UCK2: variants seen among roughly 807,000 people sequenced by gnomAD.
UCK2 encodes the protein cytidine monophosphokinase 2.
Under a neutral mutation model 30.8 loss-of-function variants are expected in UCK2, and 6 were observed. The ratio of observed to expected loss-of-function variants is 0.19; its 90% CI spans 0.11 to 0.38. The LOEUF is 0.38. Among genes scored for constraint, UCK2 ranks in the 10% least tolerant of loss-of-function variants. UCK2 has a pLI of 1.00. For synonymous variants in UCK2, 125 were observed against 133.6 expected, an observed-to-expected ratio of 0.94 and a Z score of 0.45; for missense variants, 210 against 339.8, an observed-to-expected ratio of 0.62 and a Z score of 3.00.
intron 1 of UCK2, among the ~76,000 whole-genome samples, chr1:165,884,311 T>A (rs1459036495): frequency 6.6e-6 from 1 of 152,232 alleles, no homozygotes; most frequent in Non-Finnish European, 1.5e-5. Flanking sequence ...TTGGCTGTGG[T>A]TGCTAAGTTT....
At chr1:165,851,109 G>A (rs1654585893) in intron 1 of UCK2, among the ~76,000 whole-genome samples, 1 of 151,994 alleles carries the variant, frequency 6.6e-6, no homozygotes, top group Admixed American at 6.6e-5. Context: ...GGTGAATCTT[G>A]GGAAGGCAGA....
chr1:165,844,577 G>T (rs1654403206), intron 1 of UCK2, among the ~76,000 whole-genome samples: 1 of 152,160 alleles, frequency 6.6e-6, no homozygotes, highest in South Asian at 2.1e-4. Flanking sequence ...TAACTGTGGT[G>T]GGCTCCTGGA....
Position 165,856,894 on chromosome 1 carries a change from C to T in UCK2, c.99+28962C>T, listed in dbSNP as rs1403440716. 6.2e-5 allele frequency among the ~76,000 whole-genome samples: 8 copies of T among 129,410 alleles called. No homozygotes were observed. The South Asian group carries it at 9.8e-4, about 16-fold the overall frequency. The allele number at this position is 129,410 out of a possible 152,430, so 84.9% of individuals were successfully genotyped here. On this transcript the variant is annotated intron_variant, in intron 1 of 6. Transcript: ENST00000367879. ...TGTTAAATATGGCCCTCATAGGCGGCCCCAGGGTTTTTTTTTTTTTTTTTT... is the reference window on the plus strand; with the variant it reads ...TGTTAAATATGGCCCTCATAGGCGGTCCCAGGGTTTTTTTTTTTTTTTTTT...
rs945952853 is a variant in UCK2 at position 165,909,159 on chromosome 1, G to A, written c.*1336G>A. ...GTGGAGATTTCTAGCTTTCCTGAGA[G>A]CTGCTGCTTGGTGGTAGTGTTTTCT... On this transcript the variant is annotated 3_prime_UTR_variant, in exon 7 of 7. Coordinates refer to ENST00000367879, the MANE Select transcript of UCK2 (RefSeq NM_012474.5). The A allele has an allele frequency of 2.6e-5, 4 of 152,180 alleles. No homozygotes were observed. The highest frequency in any genetic ancestry group is 9.7e-5 in the African/African-American group (4 of 41,430). The allele number at this position is 152,180 out of a possible 1,614,324, so 9.4% of individuals were successfully genotyped here. A position where few individuals can be genotyped will look rare whatever the true frequency, so the allele number is the denominator to read the frequency against.
In UCK2 at chr1:165,910,874, T is replaced by G. The variant is rs526374; in HGVS notation, c.*3051T>G. On this transcript the variant is annotated 3_prime_UTR_variant, in exon 7 of 7. Coordinates refer to ENST00000367879, the MANE Select transcript of UCK2 (RefSeq NM_012474.5). Reference sequence around the variant, plus strand: ...TCACTTGGGCTTGGAGCTGGATACTTGTGGCCACGCCCAGGATAGGTTGCC... The same window carrying G: ...TCACTTGGGCTTGGAGCTGGATACTGGTGGCCACGCCCAGGATAGGTTGCC... 6.6e-6 allele frequency: 1 copy of G among 152,266 alleles called. No homozygotes were observed. Among genetic ancestry groups the G allele is most frequent in the East Asian group, 1.9e-4 (1 of 5,180 alleles). 9.4% of individuals were successfully genotyped at this position (152,266 alleles called of 1,614,324 possible).
chr1:165,829,042 C>G (rs1045873763), intron 1 of UCK2, among the ~76,000 whole-genome samples: 1 of 152,074 alleles, frequency 6.6e-6, no homozygotes, highest in South Asian at 2.1e-4. Flanking sequence ...TTTTAGCTCC[C>G]GAACCGACTC....
intron 1 of UCK2, among the ~76,000 whole-genome samples, chr1:165,830,912 A>G (rs1654031602): frequency 6.6e-6 from 1 of 151,994 alleles, no homozygotes; most frequent in Non-Finnish European, 1.5e-5. Flanking sequence ...ATTTTGACCT[A>G]TGTTTAAAAC....
intron 2 of UCK2, 169 bp from the exon 3 acceptor site, chr1:165,891,057 A>G: frequency 3.3e-6 from 2 of 605,496 alleles, no homozygotes; most frequent in Admixed American, 2.9e-5. Flanking sequence ...TTTGAGATAC[A>G]GGGAGCATCC....
intron 1 of UCK2, among the ~76,000 whole-genome samples, chr1:165,881,672 T>C (rs1655503925): frequency 6.6e-6 from 1 of 152,202 alleles, no homozygotes; most frequent in South Asian, 2.1e-4. Context: ...TATGTAAAGC[T>C]TTTAGAATAG....
chr1:165,831,865 A>C (rs1449643399), intron 1 of UCK2, among the ~76,000 whole-genome samples: 2 of 152,190 alleles, frequency 1.3e-5, no homozygotes, highest in South Asian at 2.1e-4. Context: ...TCCTGGGTTC[A>C]AGCAATTCTC....
At chr1:165,880,561 T>TGTGTG (rs1557843865) in intron 1 of UCK2, among the ~76,000 whole-genome samples, 5 of 77,638 alleles carry the variant, frequency 6.4e-5, no homozygotes, top group African/African-American at 1.8e-4. Context: ...TCAGTTTTTT[T>TGTGTG]TGGGGGTGTG....
intron 1 of UCK2, among the ~76,000 whole-genome samples, chr1:165,875,122 A>G (rs1320485479): frequency 6.6e-6 from 1 of 152,072 alleles, no homozygotes; most frequent in Non-Finnish European, 1.5e-5. Context: ...AAAGAAGAGA[A>G]TAATTTTTAT....
rs477033 is a variant in UCK2 at position 165,890,393 on chromosome 1, C to G, written c.259+30C>G. 1,611,841 of 1,611,942 alleles carry G rather than the reference C, an allele frequency of 1. 805,871 individuals are homozygous for G. Among genetic ancestry groups the G allele is most frequent in the East Asian group, 1 (44,778 of 44,778 alleles). On this transcript the variant is annotated intron_variant, in intron 2 of 6. Transcript: ENST00000367879. ...GTCGGGCATTGAAGGGGGTATGTAT[C>G]TGTATTGGTGTGTTGGGGGGAATAG...
intron 1 of UCK2, among the ~76,000 whole-genome samples, chr1:165,875,203 A>G (rs1655305728): frequency 6.6e-6 from 1 of 152,196 alleles, no homozygotes; most frequent in Admixed American, 6.5e-5. Flanking sequence ...CATTTGTGGA[A>G]CAGGTATGGT....
intron 1 of UCK2, among the ~76,000 whole-genome samples, chr1:165,843,360 T>C (rs1315120678): frequency 6.6e-6 from 1 of 152,228 alleles, no homozygotes; most frequent in East Asian, 1.9e-4. Context: ...AAGTCATCTT[T>C]AAATGAACCC....
Position 165,851,614 on chromosome 1 carries a change from AT to A in UCK2, c.99+23692del, listed in dbSNP as rs58402424. ...GCTCAAGGCTTGAAGCTGCTTATGG[AT>A]TTTTTTTTTCTTTCTAACACAAAGG... is the stretch of plus-strand genomic sequence containing the variant. On this transcript the variant is annotated intron_variant, in intron 1 of 6. Coordinates refer to ENST00000367879, the MANE Select transcript of UCK2 (RefSeq NM_012474.5). Among the ~76,000 whole-genome samples, 603 of 150,402 alleles carry A rather than the reference AT, an allele frequency of 4.0e-3. 2 individuals are homozygous for A. The highest frequency in any genetic ancestry group is 0.03 in the Admixed American group (455 of 15,066).
intron 1 of UCK2, among the ~76,000 whole-genome samples, chr1:165,876,947 C>A (rs772828511): frequency 1.3e-5 from 2 of 152,180 alleles, no homozygotes; most frequent in Non-Finnish European, 2.9e-5. Flanking sequence ...TAGGGCCCAC[C>A]CTAATTCAGG....
intron 1 of UCK2, among the ~76,000 whole-genome samples, chr1:165,856,901 G>GTTTTTTTT (rs60388478): frequency 1.5e-5 from 2 of 134,736 alleles, no homozygotes; most frequent in Non-Finnish European, 1.6e-5. Context: ...CGGCCCCAGG[G>GTTTTTTTT]TTTTTTTTTT....
chr1:165,889,393 C>G (rs866948713), intron 1 of UCK2, among the ~76,000 whole-genome samples: 1 of 152,190 alleles, frequency 6.6e-6, no homozygotes, highest in Non-Finnish European at 1.5e-5. Flanking sequence ...CTTGTGATTC[C>G]AAGGCCCTGT....
Sources: gnomAD v4.1 joint callset for allele counts (sites outside exome capture counted in the v4.1 genomes callset) on GRCh38, gnomAD v4.1.1 for gene constraint, MANE v1.5 for transcripts, NCBI Gene and HGNC (gene_info 2026-07-23, HGNC 2026-07-21) for gene names.